MAP2K1: variants seen among roughly 807,000 people sequenced by gnomAD.
The protein encoded by MAP2K1 is mitogen-activated protein kinase kinase 1.
A neutral mutation model predicts 46.3 loss-of-function variants in MAP2K1; 16 were observed. The observed-to-expected ratio is 0.35, with a 90% confidence interval of 0.23 to 0.52. The LOEUF (loss-of-function observed/expected upper bound fraction) is 0.52, where lower values mean the gene tolerates loss of function less well. Ranked by LOEUF, MAP2K1 falls within the 20% of genes least tolerant of loss-of-function variation. The pLI is 0.94. For synonymous variants in MAP2K1, 183 were observed against 185.6 expected (o/e 0.99, Z 0.11); for missense variants, 263 against 497.1 (o/e 0.53, Z 4.48).
intron 1 of MAP2K1, among the ~76,000 whole-genome samples, chr15:66,432,782 C>G (rs2093477995): frequency 6.6e-6 from 1 of 152,224 alleles, no homozygotes; most frequent in South Asian, 2.1e-4. Context: ...CTTACCAGCT[C>G]TTTGACCTTT....
At chr15:66,419,853 T>C (rs1389610582) in intron 1 of MAP2K1, among the ~76,000 whole-genome samples, 1 of 152,046 alleles carries the variant, frequency 6.6e-6, no homozygotes, top group Non-Finnish European at 1.5e-5. Flanking sequence ...GTGATTCTTA[T>C]TCTACCTGGG....
At position 66,420,759 on chromosome 15, in the gene MAP2K1, G is replaced by GTA. The variant is rs772406179; in HGVS notation, c.81-14266_81-14265dup. Among the ~76,000 whole-genome samples the GTA allele has an allele frequency of 2.0e-3, 82 of 40,068 alleles. 7 individuals carry two copies. The highest frequency in any genetic ancestry group is 6.7e-3 in the African/African-American group (70 of 10,390). The allele number at this position is 40,068 out of a possible 152,430, so 26.3% of individuals were successfully genotyped here. On this transcript the variant is annotated intron_variant, in intron 1 of 10. Transcript: ENST00000307102. Reference sequence around the variant, plus strand: ...TGTGTGTGTGTGTGTGTGTGTGTGTGTATGTGTGTATATATATGTGTATAT... The same window carrying GTA: ...TGTGTGTGTGTGTGTGTGTGTGTGTGTATATGTGTGTATATATATGTGTATAT...
intron 1 of MAP2K1, among the ~76,000 whole-genome samples, chr15:66,409,109 A>G (rs2093405229): frequency 6.6e-6 from 1 of 152,070 alleles, no homozygotes; most frequent in African/African-American, 2.4e-5. Flanking sequence ...TATGCTCTTC[A>G]TTGTTCATAC....
chr15:66,486,555 A>G (rs541138797), intron 7 of MAP2K1, among the ~76,000 whole-genome samples: 31 of 152,372 alleles, frequency 2.0e-4, no homozygotes, highest in African/African-American at 5.3e-4. Flanking sequence ...TAGGCTTGCA[A>G]GTAGCCAAGT....
intron 1 of MAP2K1, among the ~76,000 whole-genome samples, chr15:66,429,164 T>C (rs543744241): frequency 1.1e-4 from 16 of 152,196 alleles, no homozygotes; most frequent in Admixed American, 2.0e-4. Context: ...CTGGGTAATT[T>C]ATAAAGTAAA....
At chr15:66,452,277 T>TA (rs572469470) in intron 5 of MAP2K1, among the ~76,000 whole-genome samples, 272 of 79,464 alleles carry the variant, frequency 3.4e-3, no homozygotes, top group African/African-American at 0.011. Flanking sequence ...CCCTAAAACT[T>TA]AGAGTATAAT....
intron 7 of MAP2K1, among the ~76,000 whole-genome samples, chr15:66,486,787 G>A (rs1384539243): frequency 6.6e-6 from 1 of 152,230 alleles, no homozygotes; most frequent in African/African-American, 2.4e-5. Context: ...GCTGATGGCA[G>A]GTCATTGGAG....
chr15:66,489,874 C>G, intron 10 of MAP2K1, 111 bp downstream of exon 10: 1 of 928,088 alleles, frequency 1.1e-6, no homozygotes, highest in Non-Finnish European at 1.8e-6. Flanking sequence ...CCACTGTGGT[C>G]CAGCTGAGCC....
At chr15:66,439,279 G>C (rs905939302) in intron 3 of MAP2K1, among the ~76,000 whole-genome samples, 1 of 152,198 alleles carries the variant, frequency 6.6e-6, no homozygotes, top group Non-Finnish European at 1.5e-5. Flanking sequence ...TCCTCTCTCT[G>C]TCACAGTCTT....
chr15:66,440,667 T>C (rs1430390807), intron 3 of MAP2K1, among the ~76,000 whole-genome samples: 1 of 152,236 alleles, frequency 6.6e-6, no homozygotes, highest in African/African-American at 2.4e-5. Context: ...TAAAAGCTTT[T>C]GAACTGTTAT....
intron 1 of MAP2K1, among the ~76,000 whole-genome samples, chr15:66,425,788 T>C (rs1324904183): frequency 6.6e-6 from 1 of 152,210 alleles, no homozygotes; most frequent in Non-Finnish European, 1.5e-5. Flanking sequence ...CAGGTACTAT[T>C]TTGTTCACTT....
chr15:66,478,394 G>A (rs1206001059), intron 5 of MAP2K1, among the ~76,000 whole-genome samples: 2 of 98,600 alleles, frequency 2.0e-5, no homozygotes, highest in African/African-American at 8.5e-5. Context: ...ACACAGATAT[G>A]TGTGTGTATA....
At chr15:66,453,316 G>A (rs1892084598) in intron 5 of MAP2K1, 1 of 553,752 alleles carries the variant, frequency 1.8e-6, no homozygotes, top group African/African-American at 1.9e-5. Flanking sequence ...GAGATGCTTT[G>A]TGAGCCAGAT....
chr15:66,469,848 A>G (rs1221483634), intron 5 of MAP2K1, among the ~76,000 whole-genome samples: 1 of 150,016 alleles, frequency 6.7e-6, no homozygotes, highest in Non-Finnish European at 1.5e-5. Context: ...AGTACCAAAT[A>G]TCAAACCTTT....
At chr15:66,425,705 A>G (rs893063536) in intron 1 of MAP2K1, among the ~76,000 whole-genome samples, 6 of 152,212 alleles carry the variant, frequency 3.9e-5, no homozygotes, top group Non-Finnish European at 8.8e-5. Context: ...TACATTCACA[A>G]GGCATTATTA....
intron 6 of MAP2K1, among the ~76,000 whole-genome samples, chr15:66,483,550 G>A (rs1394410069): frequency 1.3e-5 from 2 of 152,134 alleles, no homozygotes; most frequent in South Asian, 2.1e-4. Context: ...TACTGGAGAA[G>A]TTAATGTCTA....
chr15:66,452,283 A>G (rs1291342834), intron 5 of MAP2K1, among the ~76,000 whole-genome samples: 1 of 19,880 alleles, frequency 5.0e-5, no homozygotes, highest in Non-Finnish European at 1.4e-4. Context: ...AACTTAGAGT[A>G]TAATAAAAAA....
At chr15:66,474,593 A>C (rs1892714030) in intron 5 of MAP2K1, among the ~76,000 whole-genome samples, 1 of 152,120 alleles carries the variant, frequency 6.6e-6, no homozygotes, top group Non-Finnish European at 1.5e-5. Context: ...AGTACAACTT[A>C]TTATGGGTTG....
At chr15:66,470,094 G>GTTTTTTTTTTTTT (rs55637393) in intron 5 of MAP2K1, among the ~76,000 whole-genome samples, 3 of 76,602 alleles carry the variant, frequency 3.9e-5, no homozygotes, top group Non-Finnish European at 7.2e-5. Context: ...TTTTTTTCTT[G>GTTTTTTTTTTTTT]TTTTTTTTTT....
Sources: gnomAD v4.1 joint callset for allele counts (sites outside exome capture counted in the v4.1 genomes callset) on GRCh38, gnomAD v4.1.1 for gene constraint, MANE v1.5 for transcripts, NCBI Gene and HGNC (gene_info 2026-07-23, HGNC 2026-07-21) for gene names.